LACTB2: variants seen among roughly 807,000 people sequenced by gnomAD.
LACTB2 encodes the protein lactamase beta 2.
LACTB2 carries 32 observed loss-of-function variants against 34.8 expected under a neutral mutation model. The ratio of observed to expected loss-of-function variants is 0.92; its 90% confidence interval spans 0.69 to 1.24. The LOEUF (loss-of-function observed/expected upper bound fraction) is 1.24. Among genes scored for constraint, LACTB2 ranks in the 50% most tolerant of loss-of-function variants. The pLI, the probability that LACTB2 is intolerant of heterozygous loss-of-function variation, is 0.00. For synonymous variants in LACTB2, 120 were observed against 117.5 expected (o/e 1.02, Z -0.14); for missense variants, 320 against 345.0 (o/e 0.93, Z 0.57).
chr8:70,652,618 A>T (rs2132075188), intron 3 of LACTB2: 1 of 152,338 alleles, frequency 6.6e-6, no homozygotes, highest in South Asian at 2.1e-4. Flanking sequence ...CCAGGAATCC[A>T]AGACAGTACT....
chr8:70,639,181 C>CA (rs1425595681), intron 5 of LACTB2, among the ~76,000 whole-genome samples: 2 of 151,230 alleles, frequency 1.3e-5, no homozygotes, highest in Non-Finnish European at 2.9e-5. Context: ...TTTTTTGAGA[C>CA]AGAGTTTCAC....
At chr8:70,647,257 T>A (rs187742385) in intron 3 of LACTB2, among the ~76,000 whole-genome samples, 5 of 144,994 alleles carry the variant, frequency 3.4e-5, no homozygotes, top group Non-Finnish European at 7.6e-5. Context: ...ATATATATAA[T>A]TTTTTTTTTT....
At chr8:70,651,461 G>A (rs1185719038) in intron 3 of LACTB2, among the ~76,000 whole-genome samples, 4 of 152,138 alleles carry the variant, frequency 2.6e-5, no homozygotes, top group African/African-American at 4.8e-5. Context: ...GTGTGGCGAT[G>A]TGTCATATCT....
chr8:70,650,497 T>C (rs1026423557), intron 3 of LACTB2, among the ~76,000 whole-genome samples: 1 of 151,904 alleles, frequency 6.6e-6, no homozygotes, highest in Non-Finnish European at 1.5e-5. Flanking sequence ...TCCCAGCACT[T>C]TGGGAGGCCG....
chr8:70,649,904 T>C (rs1175571347), intron 3 of LACTB2, among the ~76,000 whole-genome samples: 1 of 152,220 alleles, frequency 6.6e-6, no homozygotes, highest in African/African-American at 2.4e-5. Context: ...AGCCATAATA[T>C]GTAAATGTTT....
chr8:70,657,872 ATAGG>A lies in LACTB2; in HGVS notation c.293_296del (p.Thr98IlefsTer16), dbSNP rs1442777996. 1.3e-6 allele frequency: 2 copies of A among 1,593,856 alleles called. No individual in the cohort carries two copies. Among genetic ancestry groups the A allele is most frequent in the African/African-American group, 2.7e-5 (2 of 74,386 alleles). ...GATTCCGTGGGAGTTTTTTAATGCA[ATAGG>A]TAGTGTCTAGTCATAAAACATATAA... On this transcript the variant is annotated frameshift_variant, in exon 3 of 7. Transcript: ENST00000276590. LOFTEE classifies it high-confidence loss of function.
At chr8:70,647,497 C>T (rs1818278990) in intron 3 of LACTB2, among the ~76,000 whole-genome samples, 1 of 152,164 alleles carries the variant, frequency 6.6e-6, no homozygotes, top group South Asian at 2.1e-4. Context: ...AAGTGATCTG[C>T]CTGCCCTGGC....
chr8:70,662,149 T>C (rs1198877467), intron 1 of LACTB2: 1 of 300,032 alleles, frequency 3.3e-6, no homozygotes, highest in Non-Finnish European at 6.2e-6. Flanking sequence ...ACATAGCAAT[T>C]AAAATAAACA....
intron 2 of LACTB2, chr8:70,660,580 C>G: frequency 6.6e-6 from 3 of 456,268 alleles, no homozygotes; most frequent in South Asian, 1.5e-5. Flanking sequence ...GACCTCCTTA[C>G]TGTGCCCTGA....
At chr8:70,650,754 A>AAAAAAG (rs1818331245) in intron 3 of LACTB2, among the ~76,000 whole-genome samples, 3 of 147,772 alleles carry the variant, frequency 2.0e-5, no homozygotes, top group African/African-American at 7.6e-5. Context: ...AAAAAAAAAA[A>AAAAAAG]AAAAGAAAAA....
At chr8:70,667,005 GATA>G (rs778348950) in intron 1 of LACTB2, among the ~76,000 whole-genome samples, 9 of 152,124 alleles carry the variant, frequency 5.9e-5, no homozygotes, top group Non-Finnish European at 1.0e-4. Flanking sequence ...ATAATAAACA[GATA>G]ATAAAGGCAA....
chr8:70,651,100 CA>C (rs948603975), intron 3 of LACTB2, among the ~76,000 whole-genome samples: 1 of 151,738 alleles, frequency 6.6e-6, no homozygotes, highest in Non-Finnish European at 1.5e-5. Context: ...ATATAAAAAC[CA>C]ACCAAATCCT....
At chr8:70,644,346 A>G in intron 3 of LACTB2, 103 bp from the exon 4 acceptor site, 1 of 745,752 alleles carries the variant, frequency 1.3e-6, no homozygotes. Context: ...AGACACAAAT[A>G]AACAGATGAG....
chr8:70,639,004 C>G (rs1388026500), intron 5 of LACTB2, among the ~76,000 whole-genome samples: 3 of 151,988 alleles, frequency 2.0e-5, no homozygotes. Flanking sequence ...TCCCAAAGTG[C>G]TGGGATTACA....
rs765070842 is a variant in LACTB2 at position 70,644,235 on chromosome 8, T to C, written c.422A>G (p.Tyr141Cys). The stretch of plus-strand genomic sequence containing the variant: ...GTGATCATCAGTGTGGCCAGGGGTA[T>C]ATAGAACTCTGGTTGAAAGAAGAAA... Reference protein sequence around the residue: ...KTEGATLRVLYTPGHTDDHMA... With the variant: ...KTEGATLRVLCTPGHTDDHMA... The change falls in exon 4 of 7, where the codon TAT becomes TGT. Residue 141 changes from tyrosine (Y) to cysteine (C), a missense_variant. Transcript: ENST00000276590. 13 of 1,564,378 alleles carry C rather than the reference T, an allele frequency of 8.3e-6. No homozygotes were observed. The highest frequency in any genetic ancestry group is 1.1e-5 in the Non-Finnish European group (13 of 1,159,716).
chr8:70,650,530 G>A (rs560683274), intron 3 of LACTB2, among the ~76,000 whole-genome samples: 1 of 152,172 alleles, frequency 6.6e-6, no homozygotes, highest in African/African-American at 2.4e-5. Context: ...AGGAGTTCGA[G>A]ATCAGCCTGG....
chr8:70,643,082 C>T (rs149817438), intron 4 of LACTB2, among the ~76,000 whole-genome samples: 1 of 152,138 alleles, frequency 6.6e-6, no homozygotes, highest in African/African-American at 2.4e-5. Flanking sequence ...GTCTTTTTAA[C>T]AGTTCTATTA....
intron 3 of LACTB2, among the ~76,000 whole-genome samples, chr8:70,651,174 A>G (rs1008959641): frequency 2.9e-4 from 44 of 152,194 alleles, no homozygotes; most frequent in Non-Finnish European, 8.8e-5. Flanking sequence ...GATATAAGGT[A>G]TAAGACATGA....
intron 3 of LACTB2, chr8:70,654,567 A>ATTT: frequency 6.8e-6 from 1 of 148,026 alleles, no homozygotes; most frequent in Non-Finnish European, 1.5e-5. Flanking sequence ...GTATTTACCT[A>ATTT]TTTTTTTTTT....
Sources: allele counts gnomAD v4.1 joint callset (sites outside exome capture counted in the v4.1 genomes callset), GRCh38; gene constraint gnomAD v4.1.1; transcripts MANE v1.5; gene names NCBI Gene and HGNC (gene_info 2026-07-23, HGNC 2026-07-21).